Variants in NR6A1 observed in about 807,000 individuals in gnomAD.
The protein encoded by NR6A1 is nuclear receptor subfamily 6 group A member 1.
NR6A1 carries 7 observed loss-of-function variants against 59.1 expected under a neutral mutation model. That is an observed-to-expected ratio of 0.12 (90% CI 0.07 to 0.22). The LOEUF is 0.22. NR6A1 is among the 10% of genes least tolerant of loss of function. The pLI, the probability that NR6A1 is intolerant of heterozygous loss-of-function variation, is 1.00. For missense variants in NR6A1, 468 were observed against 611.6 expected (o/e 0.77, Z 2.48); for synonymous variants, 243 against 236.1 (o/e 1.03, Z -0.27).
chr9:124,743,186 G>A (rs900833433), intron 1 of NR6A1, among the ~76,000 whole-genome samples: 7 of 152,212 alleles, frequency 4.6e-5, no homozygotes, highest in Non-Finnish European at 1.0e-4. Context: ...TTCTTGGATT[G>A]GCTGATTAAA....
rs535762697 is a variant in NR6A1, at chr9:124,605,831, C to A, written c.143-51261G>T. On this transcript the variant is annotated intron_variant, in intron 2 of 9. Coordinates refer to ENST00000487099, the MANE Select transcript of NR6A1 (RefSeq NM_033334.4). ...TTTTTGTTTTATAAAAATTAAAGCA[C>A]ACAAACAAATCTTGAATCCATCTAT... is the stretch of plus-strand genomic sequence containing the variant. 3.9e-5 allele frequency among the ~76,000 whole-genome samples: 6 copies of A among 152,316 alleles called. No individual in the cohort carries two copies. The East Asian group carries it at 7.7e-4, about 20-fold the overall frequency.
chr9:124,553,549 C>CTTTTTTTGTT (rs1833840238), intron 3 of NR6A1, among the ~76,000 whole-genome samples: 4 of 47,322 alleles, frequency 8.5e-5, no homozygotes, highest in Admixed American at 3.3e-4. Flanking sequence ...TTTAGCTTGA[C>CTTTTTTTGTT]TTTTTTTTTT....
At chr9:124,580,737 T>A (rs1834740055) in intron 2 of NR6A1, among the ~76,000 whole-genome samples, 1 of 152,000 alleles carries the variant, frequency 6.6e-6, no homozygotes, top group African/African-American at 2.4e-5. Flanking sequence ...GGAGAATCGC[T>A]TGAACCCAGG....
At chr9:124,535,556 C>A (rs149657184) in intron 7 of NR6A1, among the ~76,000 whole-genome samples, 1,569 of 152,060 alleles carry the variant, frequency 0.01, 27 homozygotes, top group African/African-American at 0.036. Context: ...CCAGCCTGGG[C>A]GACAGAATGA....
At chr9:124,540,624 AC>A (rs750616143) in intron 4 of NR6A1, among the ~76,000 whole-genome samples, 59 of 152,040 alleles carry the variant, frequency 3.9e-4, no homozygotes, top group Non-Finnish European at 5.1e-4. Context: ...ACACGGTGAA[AC>A]CCGTCTCTAC....
intron 2 of NR6A1, among the ~76,000 whole-genome samples, chr9:124,604,027 A>G (rs1197523906): frequency 1.3e-5 from 2 of 152,248 alleles, no homozygotes; most frequent in Non-Finnish European, 2.9e-5. Flanking sequence ...GGCATAGGTA[A>G]AAGAAAGGAC....
chr9:124,691,576 C>T (rs941823136), intron 2 of NR6A1, among the ~76,000 whole-genome samples: 3 of 152,120 alleles, frequency 2.0e-5, no homozygotes, highest in Non-Finnish European at 4.4e-5. Flanking sequence ...CAAAAATAAC[C>T]ACTATGTCCT....
intron 2 of NR6A1, among the ~76,000 whole-genome samples, chr9:124,716,248 G>A (rs1220634233): frequency 1.3e-5 from 2 of 152,058 alleles, no homozygotes; most frequent in African/African-American, 4.8e-5. Context: ...AACAAATGGT[G>A]CCAAACAAAT....
intron 2 of NR6A1, among the ~76,000 whole-genome samples, chr9:124,574,235 C>T (rs1834527157): frequency 1.3e-5 from 2 of 152,142 alleles, no homozygotes; most frequent in Admixed American, 1.3e-4. Context: ...GAATGAATGG[C>T]ACCTATATGT....
At chr9:124,692,543 G>C (rs762520182) in intron 2 of NR6A1, 2 of 521,168 alleles carry the variant, frequency 3.8e-6, no homozygotes, top group South Asian at 2.9e-5. Flanking sequence ...CTGTACCTTG[G>C]GGTCCTTACA....
intron 2 of NR6A1, among the ~76,000 whole-genome samples, chr9:124,597,312 C>A (rs1835299188): frequency 7.8e-6 from 1 of 128,884 alleles, no homozygotes; most frequent in African/African-American, 2.9e-5. Context: ...TTAATATTTT[C>A]TTCTCAGTCC....
intron 2 of NR6A1, among the ~76,000 whole-genome samples, chr9:124,610,410 T>C (rs1188501185): frequency 3.3e-5 from 5 of 152,196 alleles, no homozygotes; most frequent in Admixed American, 6.5e-5. Flanking sequence ...GTTTATTGAT[T>C]TGTGTAGGTT....
At chr9:124,522,885 C>A in intron 9 of NR6A1, 92 bp from the exon 10 acceptor site, 1 of 955,572 alleles carries the variant, frequency 1.0e-6, no homozygotes, top group Non-Finnish European at 1.6e-6. Flanking sequence ...CAGAGTATCA[C>A]CTTGCTGAGT....
At chr9:124,569,638 TGA>T (rs1834381995) in intron 2 of NR6A1, among the ~76,000 whole-genome samples, 3 of 152,230 alleles carry the variant, frequency 2.0e-5, no homozygotes, top group African/African-American at 7.2e-5. Context: ...TTCTAAGGAC[TGA>T]CTCCAATCAG....
At chr9:124,526,691 A>AG in intron 8 of NR6A1, 88 bp downstream of exon 8, 2 of 1,560,924 alleles carry the variant, frequency 1.3e-6, no homozygotes, top group East Asian at 4.6e-5. Flanking sequence ...GATAGTCCTG[A>AG]GGGTAAGGAG....
At chr9:124,756,514 A>C (rs1235301126) in intron 1 of NR6A1, among the ~76,000 whole-genome samples, 1 of 152,244 alleles carries the variant, frequency 6.6e-6, no homozygotes, top group East Asian at 1.9e-4. Context: ...AAATGTATAG[A>C]TAGCTGGATT....
chr9:124,591,536 G>T (rs117812616), intron 2 of NR6A1, among the ~76,000 whole-genome samples: 1 of 152,332 alleles, frequency 6.6e-6, no homozygotes, highest in East Asian at 1.9e-4. Flanking sequence ...GGCAACAGAA[G>T]CAGCAGTAGT....
intron 2 of NR6A1, among the ~76,000 whole-genome samples, chr9:124,668,627 A>G (rs1211381037): frequency 6.6e-6 from 1 of 152,196 alleles, no homozygotes; most frequent in Non-Finnish European, 1.5e-5. Flanking sequence ...CATTCTCAAC[A>G]CCGATTTTTC....
chr9:124,663,446 C>T (rs1293630580), intron 2 of NR6A1, among the ~76,000 whole-genome samples: 1 of 152,204 alleles, frequency 6.6e-6, no homozygotes, highest in Non-Finnish European at 1.5e-5. Context: ...CCCTTATTTA[C>T]TACAGGATCT....
Sources: gnomAD v4.1 joint callset for allele counts (sites outside exome capture counted in the v4.1 genomes callset) on GRCh38, gnomAD v4.1.1 for gene constraint, MANE v1.5 for transcripts, NCBI Gene and HGNC (gene_info 2026-07-23, HGNC 2026-07-21) for gene names.